Variants in PHEX observed in about 807,000 individuals in gnomAD.
PHEX encodes the protein phosphate regulating endopeptidase X-linked, also known as phosphate-regulating neutral endopeptidase PHEX.
A neutral mutation model predicts 68.0 loss-of-function variants in PHEX; 16 were observed. That is an observed-to-expected ratio of 0.24 (90% confidence interval 0.16 to 0.36). The LOEUF (loss-of-function observed/expected upper bound fraction) is 0.36, where lower values mean the gene tolerates loss of function less well. Ranked by LOEUF, PHEX falls within the 10% of genes least tolerant of loss-of-function variation. The probability of loss-of-function intolerance (pLI) is 1.00; values close to 1 mark genes in which losing one functional copy is unlikely to be tolerated. For missense variants in PHEX, 480 were observed against 575.5 expected (o/e 0.83, Z 1.70); for synonymous variants, 208 against 205.1 (o/e 1.01, Z -0.12).
chrX:22,182,735 G>A (rs1291047134), intron 14 of PHEX, among the ~76,000 whole-genome samples: 1 of 110,113 alleles, frequency 9.1e-6, no homozygotes, highest in Non-Finnish European at 1.9e-5. Context: ...CAAAGCTGTG[G>A]CTTTTCACTG....
rs367934528 is a variant in PHEX at position 22,155,560 on chromosome X, T to A, written c.1405-12752T>A. 3.5e-4 allele frequency among the ~76,000 whole-genome samples: 39 copies of A among 112,084 alleles called. No homozygotes were observed. The South Asian group carries it at 8.8e-3, about 25-fold the overall frequency. On this transcript the variant is annotated intron_variant, in intron 12 of 21. Transcript: ENST00000379374. ...TTTCAACCTTGATATTTGAAAATGT[T>A]TTTAAATAATTTGTAAGTATTTTTT...
Position 22,217,052 on chromosome X carries a change from G to A in PHEX, c.1701-1984G>A, listed in dbSNP as rs748971787. Among the ~76,000 whole-genome samples, 11 of 111,562 alleles carry A rather than the reference G, an allele frequency of 9.9e-5. No individual in the cohort carries two copies. In the South Asian group the frequency reaches 3.8e-3, roughly 38 times the overall value. On this transcript the variant is annotated intron_variant, in intron 16 of 21. Transcript: ENST00000379374. ...GCTTGTTGGAGCAGCCCTGCTTAAA[G>A]GACATTTATTGCACAGCAATTTCTA...
At chrX:22,048,414 T>G (rs1927644778) in intron 3 of PHEX, among the ~76,000 whole-genome samples, 1 of 111,621 alleles carries the variant, frequency 9.0e-6, no homozygotes, top group Admixed American at 9.6e-5. Context: ...TGATTTACCA[T>G]TCTTGTCCAT....
At chrX:22,187,986 T>TG (rs929168352) in intron 14 of PHEX, among the ~76,000 whole-genome samples, 3 of 111,385 alleles carry the variant, frequency 2.7e-5, no homozygotes, top group Admixed American at 9.6e-5. Context: ...TATGTTGCCA[T>TG]GGGGAAAAAC....
intron 6 of PHEX, 100 bp from the exon 7 acceptor site, chrX:22,093,883 G>A (rs751780198): frequency 1.8e-6 from 1 of 545,088 alleles, no homozygotes; most frequent in South Asian, 2.3e-5. Context: ...GAAAATAAAA[G>A]ACATTTATTT....
chrX:22,242,024 C>T (rs1433920992), intron 20 of PHEX, among the ~76,000 whole-genome samples: 1 of 111,633 alleles, frequency 9.0e-6, no homozygotes, highest in Non-Finnish European at 1.9e-5. Flanking sequence ...GGCAAAAATC[C>T]TCAGTAAGAT....
At position 22,226,475 on chromosome X, in the gene PHEX, T is replaced by C; in HGVS notation, c.1932T>C (p.Ile644=). ...VKGKRTLGEN[I]ADNGGLREAF... ...GGAAGAGGACCCTGGGAGAAAATAT[T>C]GCTGATAATGGAGGCCTGCGGGAAG... The change falls in exon 19 of 22, where the codon ATT becomes ATC. Residue 644 remains isoleucine, a synonymous_variant. Transcript: ENST00000379374. 8.3e-7 allele frequency: 1 copy of C among 1,207,142 alleles called. No individual in the cohort carries two copies. The highest frequency in any genetic ancestry group is 1.1e-6 in the Non-Finnish European group (1 of 891,900).
At chrX:22,208,783 G>A (rs929882275) in intron 15 of PHEX, among the ~76,000 whole-genome samples, 1 of 111,634 alleles carries the variant, frequency 9.0e-6, no homozygotes, top group Non-Finnish European at 1.9e-5. Flanking sequence ...ACACATGTAC[G>A]GATACAGTCA....
At chrX:22,131,400 C>T (rs912861213) in intron 11 of PHEX, among the ~76,000 whole-genome samples, 4 of 112,640 alleles carry the variant, frequency 3.6e-5, no homozygotes, top group Non-Finnish European at 7.5e-5. Context: ...TAAGAACCAC[C>T]GACTTAATGA....
chrX:22,088,846 T>C (rs1929733689), intron 5 of PHEX, among the ~76,000 whole-genome samples: 1 of 112,134 alleles, frequency 8.9e-6, no homozygotes, highest in South Asian at 3.7e-4. Context: ...GTGATTTTAT[T>C]GTCATGTCTA....
At chrX:22,136,977 G>T (rs1932260371) in intron 12 of PHEX, among the ~76,000 whole-genome samples, 1 of 112,188 alleles carries the variant, frequency 8.9e-6, no homozygotes, top group South Asian at 3.7e-4. Context: ...TCTGTTCCCT[G>T]CAAGCATGTG....
At chrX:22,075,952 A>T (rs762249652) in intron 3 of PHEX, among the ~76,000 whole-genome samples, 1 of 112,208 alleles carries the variant, frequency 8.9e-6, no homozygotes, top group African/African-American at 3.2e-5. Context: ...CCTCCTTGAG[A>T]GGCTGGGCTG....
At chrX:22,240,377 A>G (rs1481849469) in intron 20 of PHEX, among the ~76,000 whole-genome samples, 3 of 112,277 alleles carry the variant, frequency 2.7e-5, no homozygotes, top group Non-Finnish European at 5.6e-5. Flanking sequence ...GATCAAATTC[A>G]CACATAACAA....
intron 18 of PHEX, among the ~76,000 whole-genome samples, chrX:22,224,037 C>T (rs921982935): frequency 4.5e-5 from 5 of 112,192 alleles, no homozygotes; most frequent in African/African-American, 6.5e-5. Flanking sequence ...GGCTGGAGTG[C>T]GGTGGTGTGA....
intron 13 of PHEX, among the ~76,000 whole-genome samples, chrX:22,176,344 A>C: frequency 9.8e-6 from 1 of 101,696 alleles, no homozygotes; most frequent in South Asian, 4.8e-4. Context: ...CTGAGATTGC[A>C]CTGCTGCACT....
chrX:22,069,456 T>C (rs1485891254), intron 3 of PHEX, among the ~76,000 whole-genome samples: 1 of 111,892 alleles, frequency 8.9e-6, no homozygotes, highest in African/African-American at 3.2e-5. Flanking sequence ...TAGAGTTTTG[T>C]AGTATCTGGC....
At chrX:22,041,265 C>CTCTATATATATATA (rs1468778300) in intron 2 of PHEX, among the ~76,000 whole-genome samples, 1 of 72,819 alleles carries the variant, frequency 1.4e-5, no homozygotes, top group Non-Finnish European at 2.4e-5. Flanking sequence ...CTCTCTCTCT[C>CTCTATATATATATA]TATATATATA....
In PHEX at chrX:22,249,455, A is replaced by AAAT; in HGVS notation, c.*1503_*1504insATA. 8.3e-4 allele frequency: 33 copies of AAAT among 39,754 alleles called. No homozygotes were observed. Among genetic ancestry groups the AAAT allele is most frequent in the Admixed American group, 1.6e-3 (6 of 3,809 alleles). 3.3% of individuals were successfully genotyped at this position (39,754 alleles called of 1,213,427 possible). ...TTGTGATTCTTTTAAAAAAAAAAAA[A>AAAT]ATATATATATATATATATATATATA... On this transcript the variant is annotated 3_prime_UTR_variant, in exon 22 of 22. Transcript: ENST00000379374.
chrX:22,223,351 G>A (rs2285075), intron 18 of PHEX, among the ~76,000 whole-genome samples: 32,511 of 109,845 alleles, frequency 0.3, 3,720 homozygotes, highest in African/African-American at 0.34. Context: ...TTGAGTCTTG[G>A]GAGTCCAAAC....
Sources: allele counts gnomAD v4.1 joint callset (sites outside exome capture counted in the v4.1 genomes callset), GRCh38; gene constraint gnomAD v4.1.1; transcripts MANE v1.5; gene names NCBI Gene and HGNC (gene_info 2026-07-23, HGNC 2026-07-21).